TBC1D32: variants seen among roughly 807,000 people sequenced by gnomAD.
TBC1D32 encodes TBC1 domain family member 32.
In TBC1D32, 151 loss-of-function variants were observed where a neutral mutation model predicts 170.3. The observed-to-expected ratio is 0.89, with a 90% CI of 0.78 to 1.01. The LOEUF is 1.01. TBC1D32 is among the 50% of genes least tolerant of loss of function. The pLI is 0.00. For missense variants in TBC1D32, 1,464 were observed against 1,457.1 expected, an observed-to-expected ratio of 1.00 and a Z score of -0.08; for synonymous variants, 498 against 488.0, an observed-to-expected ratio of 1.02 and a Z score of -0.27.
At chr6:121,182,470 G>T (rs1360659814) in intron 22 of TBC1D32, among the ~76,000 whole-genome samples, 1 of 151,900 alleles carries the variant, frequency 6.6e-6, no homozygotes, top group African/African-American at 2.4e-5. Flanking sequence ...TGTAAGATTT[G>T]ATATCAGCTA....
chr6:121,205,178 C>A lies in TBC1D32; in HGVS notation c.2482-15G>T, dbSNP rs768175628. On this transcript the variant is annotated splice_polypyrimidine_tract_variant and intron_variant, in intron 21 of 31. Coordinates refer to ENST00000398212, the MANE Select transcript of TBC1D32 (RefSeq NM_152730.6). ...TCAATAATATCCTGAAAAAGACAGA[C>A]AAAATGAGACTGTATTTAACTGATA... is the stretch of plus-strand genomic sequence containing the variant. 2 of 1,228,826 alleles carry A rather than the reference C, an allele frequency of 1.6e-6. No individual in the cohort carries two copies. The highest frequency in any genetic ancestry group is 2.3e-6 in the Non-Finnish European group (2 of 880,734). 76.1% of individuals were successfully genotyped at this position (1,228,826 alleles called of 1,614,324 possible). A position where few individuals can be genotyped will look rare whatever the true frequency, so the allele number is the denominator to read the frequency against.
rs150681519 is a variant in TBC1D32, at chr6:121,314,860, A to G, written c.495+2635T>C. 2.1e-3 allele frequency among the ~76,000 whole-genome samples: 315 copies of G among 152,308 alleles called. 1 individual carries two copies. Among genetic ancestry groups the G allele is most frequent in the African/African-American group, 7.3e-3 (303 of 41,570 alleles). ...TGTGTCTCTGAATGGTGTCCATTTC[A>G]GCATTCCCTTTAAGAGATATCAACA... is the stretch of plus-strand genomic sequence containing the variant. On this transcript the variant is annotated intron_variant, in intron 3 of 31. Transcript: ENST00000398212.
rs1775559353 is a variant in TBC1D32, at chr6:121,080,774, T to C, written c.3771A>G (p.Thr1257=). 6.2e-7 allele frequency: 1 copy of C among 1,611,002 alleles called. No individual in the cohort carries two copies. Among genetic ancestry groups the C allele is most frequent in the Non-Finnish European group, 8.5e-7 (1 of 1,179,020 alleles). The change falls in exon 32 of 32, where the codon ACA becomes ACG. Residue 1257 remains threonine (T), a synonymous_variant. Coordinates refer to ENST00000398212, the MANE Select transcript of TBC1D32 (RefSeq NM_152730.6). Reference sequence around the variant, plus strand: ...TTTAAACCGTGTGTCTCATGATCTATGTGCTCTGCAGTCTAATGTTCCGCA... The same window carrying C: ...TTTAAACCGTGTGTCTCATGATCTACGTGCTCTGCAGTCTAATGTTCCGCA... The part of the protein sequence containing the change: ...RDMRNIRLQS[T]
At chr6:121,198,259 T>C (rs13217456) in intron 22 of TBC1D32, among the ~76,000 whole-genome samples, 2 of 139,620 alleles carry the variant, frequency 1.4e-5, no homozygotes, top group Non-Finnish European at 3.0e-5. Flanking sequence ...TATATATATA[T>C]AATATATATA....
chr6:121,196,318 G>T (rs1320524205), intron 22 of TBC1D32, among the ~76,000 whole-genome samples: 2 of 152,152 alleles, frequency 1.3e-5, no homozygotes, highest in Non-Finnish European at 2.9e-5. Context: ...CCTGGCTACG[G>T]CCACTGCTGA....
Position 121,223,318 on chromosome 6 carries a change from G to C in TBC1D32, c.2399C>G (p.Pro800Arg). ...FLALVNLLSY[P>R]AIYELVRNQD... ...ATTCCTTACAAGCTCATAAATAGCAGGATAGGATAACAAGTTCACCAGTGC... is the reference window on the plus strand; with the variant it reads ...ATTCCTTACAAGCTCATAAATAGCACGATAGGATAACAAGTTCACCAGTGC... The change falls in exon 21 of 32, where the codon CCT becomes CGT. Residue 800 changes from proline to arginine, a missense_variant. This residue lies in a region of TBC1D32 where 1,363 missense variants were observed against 1,338.1 expected (regional missense o/e 1.02). Coordinates refer to ENST00000398212, the MANE Select transcript of TBC1D32 (RefSeq NM_152730.6). The C allele has an allele frequency of 6.3e-7, 1 of 1,596,258 alleles. No homozygotes were observed. Among genetic ancestry groups the C allele is most frequent in the Non-Finnish European group, 8.5e-7 (1 of 1,174,372 alleles).
chr6:121,185,563 T>C (rs1024659407), intron 22 of TBC1D32, among the ~76,000 whole-genome samples: 3 of 152,100 alleles, frequency 2.0e-5, no homozygotes, highest in Non-Finnish European at 4.4e-5. Context: ...AACATCCAGA[T>C]TGCCATAGGC....
At chr6:121,250,535 AC>A (rs765216177) in intron 17 of TBC1D32, among the ~76,000 whole-genome samples, 8 of 152,068 alleles carry the variant, frequency 5.3e-5, no homozygotes, top group Non-Finnish European at 1.0e-4. Context: ...AAAATTCAAC[AC>A]CCCTTTATGC....
At position 121,223,288 on chromosome 6, in the gene TBC1D32, T is replaced by A. The variant is rs187705659; in HGVS notation, c.2429A>T (p.Asp810Val). 551 of 1,595,584 alleles carry A rather than the reference T, an allele frequency of 3.5e-4. 1 individual carries two copies. The highest frequency in any genetic ancestry group is 4.5e-4 in the Non-Finnish European group (527 of 1,174,012). ...PAIYELVRNQ[D>V]LPNKTEYSLR... ...AGAATATTCTGTTTTATTAGGAAGATCTTGATTCCTTACAAGCTCATAAAT... is the reference window on the plus strand; with the variant it reads ...AGAATATTCTGTTTTATTAGGAAGAACTTGATTCCTTACAAGCTCATAAAT... The change falls in exon 21 of 32, where the codon GAT becomes GTT. Residue 810 changes from aspartate to valine, a missense_variant. Asp to Val is a radical substitution (Grantham distance 152). Coordinates refer to ENST00000398212, the MANE Select transcript of TBC1D32 (RefSeq NM_152730.6).
chr6:121,275,688 G>A (rs1802116859), intron 15 of TBC1D32, among the ~76,000 whole-genome samples: 1 of 152,152 alleles, frequency 6.6e-6, no homozygotes, highest in Non-Finnish European at 1.5e-5. Flanking sequence ...ATTTTGAAAA[G>A]TAATCTGGCA....
At chr6:121,309,515 T>G (rs1583686956) in intron 4 of TBC1D32, among the ~76,000 whole-genome samples, 1 of 152,122 alleles carries the variant, frequency 6.6e-6, no homozygotes, top group Admixed American at 6.5e-5. Context: ...TCATTTAGTT[T>G]AAATTTAATA....
At chr6:121,130,588 T>C (rs1453379065) in intron 25 of TBC1D32, among the ~76,000 whole-genome samples, 3 of 152,144 alleles carry the variant, frequency 2.0e-5, no homozygotes, top group African/African-American at 7.2e-5. Context: ...GTTCTACATG[T>C]TTGTCCTGTT....
intron 3 of TBC1D32, among the ~76,000 whole-genome samples, chr6:121,311,391 C>T (rs1194797726): frequency 1.3e-5 from 2 of 152,050 alleles, no homozygotes; most frequent in African/African-American, 4.8e-5. Flanking sequence ...CTACTAAAGA[C>T]AATTTAAACA....
Position 121,081,823 on chromosome 6 carries a change from G to C in TBC1D32, c.3655-933C>G, listed in dbSNP as rs1444024367. Among the ~76,000 whole-genome samples the C allele has an allele frequency of 2.6e-5, 4 of 152,108 alleles. No individual in the cohort carries two copies. The East Asian group carries it at 7.7e-4, about 29-fold the overall frequency. On this transcript the variant is annotated intron_variant, in intron 31 of 31. Transcript: ENST00000398212. ...AGATATCACTTATCACTTATGGTTA[G>C]TAACCATTCACAGCTTGCATATAAC...
At chr6:121,332,543 T>C (rs1811352058) in intron 1 of TBC1D32, among the ~76,000 whole-genome samples, 2 of 152,256 alleles carry the variant, frequency 1.3e-5, no homozygotes, top group South Asian at 2.1e-4. Flanking sequence ...AAAATCTAGA[T>C]GAAATGGCCA....
intron 5 of TBC1D32, among the ~76,000 whole-genome samples, chr6:121,305,803 T>C (rs903506499): frequency 2.0e-5 from 3 of 151,854 alleles, no homozygotes; most frequent in African/African-American, 7.3e-5. Flanking sequence ...AAAAAGAATT[T>C]GGATCAAGCA....
chr6:121,194,243 G>T (rs1288568702), intron 22 of TBC1D32, among the ~76,000 whole-genome samples: 1 of 152,144 alleles, frequency 6.6e-6, no homozygotes, highest in Non-Finnish European at 1.5e-5. Flanking sequence ...ATGCATAATT[G>T]GCATAGACAT....
chr6:121,175,097 G>C (rs1383156235), intron 22 of TBC1D32, among the ~76,000 whole-genome samples: 1 of 151,416 alleles, frequency 6.6e-6, no homozygotes, highest in African/African-American at 2.4e-5. Context: ...AAGAAATCAA[G>C]AATGACTCTT....
At chr6:121,081,690 A>G (rs1342812898) in intron 31 of TBC1D32, among the ~76,000 whole-genome samples, 3 of 152,114 alleles carry the variant, frequency 2.0e-5, no homozygotes, top group African/African-American at 4.8e-5. Context: ...TGCATATCAT[A>G]TACTAGATAC....
Sources: gnomAD v4.1 joint callset for allele counts (sites outside exome capture counted in the v4.1 genomes callset) on GRCh38, gnomAD v4.1.1 for gene constraint, gnomAD v4.1.1 regional missense constraint, MANE v1.5 for transcripts, NCBI Gene and HGNC (gene_info 2026-07-23, HGNC 2026-07-21) for gene names.